Variants in KIAA1958 observed in about 807,000 individuals in gnomAD.
KIAA1958 encodes uncharacterized protein KIAA1958.
A neutral mutation model predicts 47.2 loss-of-function variants in KIAA1958; 14 were observed. The observed-to-expected ratio is 0.30, with a 90% CI of 0.20 to 0.46. KIAA1958 has a LOEUF of 0.46. Among genes scored for constraint, KIAA1958 ranks in the 20% least tolerant of loss-of-function variants. KIAA1958 has a pLI of 1.00. For missense variants in KIAA1958, 803 were observed against 909.2 expected (o/e 0.88, Z 1.50); for synonymous variants, 354 against 353.3 (o/e 1.00, Z -0.02).
At chr9:112,632,196 T>C (rs1357181663) in intron 2 of KIAA1958, among the ~76,000 whole-genome samples, 2 of 152,172 alleles carry the variant, frequency 1.3e-5, no homozygotes, top group Non-Finnish European at 2.9e-5. Flanking sequence ...ATAAATCGTT[T>C]TATTTTTCAT....
At chr9:112,534,343 A>G (rs1834815493) in intron 1 of KIAA1958, among the ~76,000 whole-genome samples, 1 of 152,228 alleles carries the variant, frequency 6.6e-6, no homozygotes, top group African/African-American at 2.4e-5. Flanking sequence ...TTTTGCCATC[A>G]GCACTGATTA....
intron 2 of KIAA1958, among the ~76,000 whole-genome samples, chr9:112,641,686 C>A (rs1053713119): frequency 1.3e-5 from 2 of 151,988 alleles, no homozygotes; most frequent in Non-Finnish European, 2.9e-5. Context: ...TATCTCTTAA[C>A]TTCACCCTCA....
At chr9:112,640,149 G>T (rs576308689) in intron 2 of KIAA1958, among the ~76,000 whole-genome samples, 6 of 152,158 alleles carry the variant, frequency 3.9e-5, no homozygotes, top group Non-Finnish European at 7.3e-5. Flanking sequence ...AACTTTTGAA[G>T]ATGTTATCTT....
intron 1 of KIAA1958, among the ~76,000 whole-genome samples, chr9:112,572,563 G>C (rs1406673981): frequency 6.6e-6 from 1 of 152,194 alleles, no homozygotes; most frequent in Non-Finnish European, 1.5e-5. Flanking sequence ...AGGCATGGGT[G>C]AAGGGAAGCT....
intron 1 of KIAA1958, among the ~76,000 whole-genome samples, chr9:112,488,424 A>G (rs994975481): frequency 1.3e-5 from 2 of 152,348 alleles, no homozygotes; most frequent in African/African-American, 4.8e-5. Context: ...TTGAATAAGC[A>G]CCCAGAAAAT....
chr9:112,531,115 G>T (rs1176720391), intron 1 of KIAA1958, among the ~76,000 whole-genome samples: 1 of 152,202 alleles, frequency 6.6e-6, no homozygotes, highest in African/African-American at 2.4e-5. Flanking sequence ...AATGTCAGGC[G>T]CTGTGGCTCA....
intron 1 of KIAA1958, among the ~76,000 whole-genome samples, chr9:112,513,433 C>T (rs1156741838): frequency 6.9e-6 from 1 of 145,966 alleles, no homozygotes; most frequent in Non-Finnish European, 1.5e-5. Flanking sequence ...GTGCTTTCCC[C>T]TGTTGAAAGC....
chr9:112,623,463 G>A (rs555142830), intron 2 of KIAA1958, among the ~76,000 whole-genome samples: 8 of 152,168 alleles, frequency 5.3e-5, no homozygotes, highest in Non-Finnish European at 1.2e-4. Context: ...TGTTCAAGAA[G>A]TGATTTGCTG....
At chr9:112,518,792 G>A (rs1408215594) in intron 1 of KIAA1958, among the ~76,000 whole-genome samples, 1 of 151,914 alleles carries the variant, frequency 6.6e-6, no homozygotes, top group Non-Finnish European at 1.5e-5. Context: ...ATGACAAAAG[G>A]TAGCCAAGTT....
chr9:112,585,263 A>G (rs1835803070), intron 2 of KIAA1958, among the ~76,000 whole-genome samples: 1 of 152,234 alleles, frequency 6.6e-6, no homozygotes, highest in African/African-American at 2.4e-5. Context: ...AAGCAGACAA[A>G]CCAACAACTT....
intron 1 of KIAA1958, among the ~76,000 whole-genome samples, chr9:112,550,043 G>T (rs1245672180): frequency 1.3e-5 from 2 of 152,220 alleles, no homozygotes; most frequent in Admixed American, 6.5e-5. Context: ...TAACTGGACT[G>T]AGTTTAATGT....
intron 2 of KIAA1958, among the ~76,000 whole-genome samples, chr9:112,644,410 C>T (rs908272998): frequency 6.6e-6 from 1 of 152,134 alleles, no homozygotes; most frequent in African/African-American, 2.4e-5. Flanking sequence ...TTTCATTTTG[C>T]TGTTTCCCAC....
At chr9:112,581,371 T>G (rs2131180991) in intron 2 of KIAA1958, among the ~76,000 whole-genome samples, 1 of 152,296 alleles carries the variant, frequency 6.6e-6, no homozygotes, top group Admixed American at 6.5e-5. Context: ...CAATACTCTG[T>G]GAGAAGTGAA....
intron 2 of KIAA1958, among the ~76,000 whole-genome samples, chr9:112,638,756 T>C (rs1028825264): frequency 1.3e-5 from 2 of 152,172 alleles, no homozygotes; most frequent in Non-Finnish European, 2.9e-5. Context: ...CTATGTCCCA[T>C]GTGTCTATTT....
intron 2 of KIAA1958, among the ~76,000 whole-genome samples, chr9:112,603,365 A>G (rs1233853091): frequency 1.3e-5 from 2 of 152,156 alleles, no homozygotes; most frequent in African/African-American, 2.4e-5. Flanking sequence ...CCCTACCCCA[A>G]AATCAGGATT....
intron 1 of KIAA1958, among the ~76,000 whole-genome samples, chr9:112,517,130 TCCATATTTAATA>T (rs1834449927): frequency 6.6e-6 from 1 of 151,332 alleles, no homozygotes; most frequent in African/African-American, 2.4e-5. Flanking sequence ...GGAGGCAGCT[TCCATATTTAATA>T]TATTAATTCC....
chr9:112,585,267 ACAACTT>A (rs1835803205), intron 2 of KIAA1958, among the ~76,000 whole-genome samples: 3 of 152,196 alleles, frequency 2.0e-5, no homozygotes, highest in Non-Finnish European at 4.4e-5. Context: ...AGACAAACCA[ACAACTT>A]CAACTTCAAG....
chr9:112,498,371 C>G (rs558178029), intron 1 of KIAA1958, among the ~76,000 whole-genome samples: 1 of 152,092 alleles, frequency 6.6e-6, no homozygotes, highest in African/African-American at 2.4e-5. Flanking sequence ...GAGAAATTTT[C>G]AAGATTTTTC....
In KIAA1958 at chr9:112,642,049, A is replaced by G. The variant is rs116781013; in HGVS notation, c.1172-3601A>G. Among the ~76,000 whole-genome samples, 492 of 152,278 alleles carry G rather than the reference A, an allele frequency of 3.2e-3. 5 individuals carry two copies. The highest frequency in any genetic ancestry group is 0.011 in the African/African-American group (460 of 41,552). Reference sequence around the variant, plus strand: ...GACTGTCATGCTACTGGTTTTCCCCATTGCCAAGTGATGCTTATGTACTCA... The same window carrying G: ...GACTGTCATGCTACTGGTTTTCCCCGTTGCCAAGTGATGCTTATGTACTCA... On this transcript the variant is annotated intron_variant, in intron 2 of 3. Coordinates refer to ENST00000337530, the MANE Select transcript of KIAA1958 (RefSeq NM_133465.4).
Sources: allele counts gnomAD v4.1 joint callset (sites outside exome capture counted in the v4.1 genomes callset), GRCh38; gene constraint gnomAD v4.1.1; transcripts MANE v1.5; gene names NCBI Gene and HGNC (gene_info 2026-07-23, HGNC 2026-07-21).